Variants in ZFPM2 observed in about 807,000 individuals in gnomAD.
ZFPM2 encodes the protein zinc finger protein, FOG family member 2.
ZFPM2 carries 20 observed loss-of-function variants against 98.6 expected under a neutral mutation model. That is an observed-to-expected ratio of 0.20 (90% confidence interval 0.14 to 0.29). The LOEUF is 0.29. ZFPM2 is among the 10% of genes least tolerant of loss of function. The pLI is 1.00. For synonymous variants in ZFPM2, 518 were observed against 502.7 expected (o/e 1.03, Z -0.41); for missense variants, 1,310 against 1,388.6 (o/e 0.94, Z 0.90).
At chr8:105,799,595 T>C (rs1229249014) in intron 7 of ZFPM2, among the ~76,000 whole-genome samples, 2 of 152,244 alleles carry the variant, frequency 1.3e-5, no homozygotes, top group Non-Finnish European at 2.9e-5. Flanking sequence ...CAACTGTTTC[T>C]ATTTAATTTG....
chr8:105,516,530 T>A (rs1250081847), intron 3 of ZFPM2, among the ~76,000 whole-genome samples: 1 of 152,240 alleles, frequency 6.6e-6, no homozygotes, highest in South Asian at 2.1e-4. Context: ...TTTTTAGTCT[T>A]CAAGAAGGTT....
chr8:105,441,080 G>T (rs561297090), intron 2 of ZFPM2, among the ~76,000 whole-genome samples: 1 of 152,080 alleles, frequency 6.6e-6, no homozygotes, highest in South Asian at 2.1e-4. Context: ...ACTTGAACCC[G>T]GGAGGCAGAG....
chr8:105,518,539 G>C (rs112798087), intron 3 of ZFPM2, among the ~76,000 whole-genome samples: 46 of 152,320 alleles, frequency 3.0e-4, no homozygotes, highest in African/African-American at 1.1e-3. Flanking sequence ...TGCTGGAAAT[G>C]AGTCATGCAC....
In ZFPM2 at chr8:105,320,390, A is replaced by G. The variant is rs1170096744; in HGVS notation, c.40+1409A>G. Among the ~76,000 whole-genome samples the G allele has an allele frequency of 3.3e-5, 5 of 152,112 alleles. No individual in the cohort carries two copies. The East Asian group carries it at 9.7e-4, about 29-fold the overall frequency. ...ACTCTATGCAACTTGGGTTAAAGCA[A>G]GTACTGGACTTCACTTTTGGCTCAA... On this transcript the variant is annotated intron_variant, in intron 1 of 7. Coordinates refer to ENST00000407775, the MANE Select transcript of ZFPM2 (RefSeq NM_012082.4).
At chr8:105,521,146 CACACACAA>C (rs1372293551) in intron 3 of ZFPM2, among the ~76,000 whole-genome samples, 1 of 151,740 alleles carries the variant, frequency 6.6e-6, no homozygotes, top group Non-Finnish European at 1.5e-5. Context: ...CACACACACA[CACACACAA>C]ACACACACAC....
At chr8:105,387,991 A>C (rs570294482) in intron 1 of ZFPM2, 1 of 152,376 alleles carries the variant, frequency 6.6e-6, no homozygotes, top group Non-Finnish European at 1.5e-5. Flanking sequence ...AAAATGCTTA[A>C]GATTTTACTT....
chr8:105,782,657 T>A (rs750634083), intron 5 of ZFPM2, among the ~76,000 whole-genome samples: 25 of 152,204 alleles, frequency 1.6e-4, no homozygotes, highest in Non-Finnish European at 3.1e-4. Flanking sequence ...ATGGGTTTTT[T>A]ACTTGTATTA....
intron 4 of ZFPM2, 41 bp from the exon 5 acceptor site, chr8:105,634,205 C>T (rs374084917): frequency 3.8e-5 from 56 of 1,482,240 alleles, no homozygotes; most frequent in Non-Finnish European, 4.6e-5. Flanking sequence ...TTTTAATCAA[C>T]GGAAGCAAAT....
intron 4 of ZFPM2, among the ~76,000 whole-genome samples, chr8:105,594,032 A>C (rs1438061070): frequency 6.6e-6 from 1 of 152,130 alleles, no homozygotes; most frequent in Non-Finnish European, 1.5e-5. Flanking sequence ...CTCATATTTC[A>C]CTGAGTATTC....
intron 5 of ZFPM2, among the ~76,000 whole-genome samples, chr8:105,750,277 T>C (rs1812446468): frequency 6.6e-6 from 1 of 152,036 alleles, no homozygotes; most frequent in South Asian, 2.1e-4. Context: ...TGGTTACGTA[T>C]CTATACTTTA....
chr8:105,803,344 G>T lies in ZFPM2; in HGVS notation c.3262G>T (p.Glu1088Ter). Residue 1088 changes from glutamate to a stop codon, truncating the protein, a stop_gained, in exon 8 of 8, where the codon GAG becomes TAG. Transcript: ENST00000407775. LOFTEE classifies it high-confidence loss of function. ...CTCTGAGAACCCATTAGCTGCCAATGAGAATGTCTCACCAGGAATTCCCTC... is the reference window on the plus strand; with the variant it reads ...CTCTGAGAACCCATTAGCTGCCAATTAGAATGTCTCACCAGGAATTCCCTC... ...WISENPLAAN[E>*]NVSPGIPSAE... The T allele has an allele frequency of 6.2e-7, 1 of 1,609,290 alleles. No homozygotes were observed. Among genetic ancestry groups the T allele is most frequent in the South Asian group, 1.1e-5 (1 of 90,550 alleles).
At chr8:105,489,466 A>ATAT (rs1554610604) in intron 3 of ZFPM2, among the ~76,000 whole-genome samples, 158 of 119,746 alleles carry the variant, frequency 1.3e-3, no homozygotes, top group Admixed American at 3.9e-3. Flanking sequence ...ATATATATAT[A>ATAT]TTTTTTTTTT....
chr8:105,643,126 G>A (rs565698280), intron 5 of ZFPM2, among the ~76,000 whole-genome samples: 1 of 152,264 alleles, frequency 6.6e-6, no homozygotes, highest in South Asian at 2.1e-4. Flanking sequence ...ATTCTAGTAA[G>A]ATTATTGTGT....
chr8:105,499,472 A>T (rs1312063835), intron 3 of ZFPM2, among the ~76,000 whole-genome samples: 2 of 152,190 alleles, frequency 1.3e-5, no homozygotes, highest in African/African-American at 4.8e-5. Flanking sequence ...CAAACAAACA[A>T]AAGAAACCTC....
At chr8:105,734,763 ACT>A (rs1255635714) in intron 5 of ZFPM2, among the ~76,000 whole-genome samples, 1 of 151,646 alleles carries the variant, frequency 6.6e-6, no homozygotes, top group Admixed American at 6.6e-5. Context: ...TACTGTCATC[ACT>A]CTGGTGTTGA....
intron 5 of ZFPM2, among the ~76,000 whole-genome samples, chr8:105,672,119 T>G (rs1343478249): frequency 6.6e-6 from 1 of 152,122 alleles, no homozygotes; most frequent in Admixed American, 6.5e-5. Flanking sequence ...ATCTATACAT[T>G]TGTTATTTCT....
At chr8:105,380,008 T>A (rs771054224) in intron 1 of ZFPM2, among the ~76,000 whole-genome samples, 1 of 152,176 alleles carries the variant, frequency 6.6e-6, no homozygotes, top group African/African-American at 2.4e-5. Context: ...GAAATACTCA[T>A]GACAAAATGC....
intron 3 of ZFPM2, among the ~76,000 whole-genome samples, chr8:105,472,890 T>A (rs1362245852): frequency 1.2e-4 from 1 of 8,118 alleles, no homozygotes; most frequent in Non-Finnish European, 3.5e-4. Context: ...TAAAGGGACC[T>A]TTTTTTTTTT....
chr8:105,803,489 C>G lies in ZFPM2; in HGVS notation c.3407C>G (p.Thr1136Ser). 6.2e-7 allele frequency: 1 copy of G among 1,612,874 alleles called. No homozygotes were observed. Among genetic ancestry groups the G allele is most frequent in the Non-Finnish European group, 8.5e-7 (1 of 1,179,388 alleles). ...TTCAACAACCTTTCAAACTTTATAA[C>G]TCACAAGAAGTTTTATTGCTCATCA... is the stretch of plus-strand genomic sequence containing the variant. ...IQFNNLSNFI[T>S]HKKFYCSSHA... The change falls in exon 8 of 8, where the codon ACT becomes AGT. Residue 1136 changes from threonine to serine, a missense_variant. By Grantham distance (58) the Thr-to-Ser change is moderately conservative. Coordinates refer to ENST00000407775, the MANE Select transcript of ZFPM2 (RefSeq NM_012082.4).
Sources: allele counts gnomAD v4.1 joint callset (sites outside exome capture counted in the v4.1 genomes callset), GRCh38; gene constraint gnomAD v4.1.1; transcripts MANE v1.5; gene names NCBI Gene and HGNC (gene_info 2026-07-23, HGNC 2026-07-21).